The following CNTN5 variants were observed in gnomAD, a reference collection of about 807,000 sequenced individuals.
CNTN5 encodes the protein contactin 5.
CNTN5 carries 77 observed loss-of-function variants against 129.1 expected under a neutral mutation model. The ratio of observed to expected loss-of-function variants is 0.60; its 90% CI spans 0.50 to 0.72. The LOEUF (loss-of-function observed/expected upper bound fraction) is 0.72, where lower values mean the gene tolerates loss of function less well. Ranked by LOEUF, CNTN5 falls within the 30% of genes least tolerant of loss-of-function variation. The pLI is 0.00. For synonymous variants in CNTN5, 509 were observed against 465.6 expected (o/e 1.09, Z -1.20); for missense variants, 1,478 against 1,328.8 (o/e 1.11, Z -1.75).
At chr11:100,247,591 C>A (rs1949870211) in intron 16 of CNTN5, among the ~76,000 whole-genome samples, 1 of 152,062 alleles carries the variant, frequency 6.6e-6, no homozygotes, top group Admixed American at 6.6e-5. Flanking sequence ...TTGAACTCTG[C>A]CAGCCCGGGA....
intron 7 of CNTN5, among the ~76,000 whole-genome samples, chr11:99,942,647 G>C (rs975749829): frequency 6.6e-6 from 1 of 151,964 alleles, no homozygotes; most frequent in Non-Finnish European, 1.5e-5. Flanking sequence ...ACATGCATTA[G>C]ATATTTGTCC....
At chr11:100,016,703 A>G (rs1940838432) in intron 9 of CNTN5, among the ~76,000 whole-genome samples, 1 of 152,022 alleles carries the variant, frequency 6.6e-6, no homozygotes, top group South Asian at 2.1e-4. Context: ...TAAGTGAAAC[A>G]TGTAAGCATG....
rs1414026686 is a variant in CNTN5, at chr11:99,275,151, C to T, written c.-209-50195C>T. Among the ~76,000 whole-genome samples, 3 of 151,256 alleles carry T rather than the reference C, an allele frequency of 2.0e-5. No homozygotes were observed. The South Asian group carries it at 6.2e-4, about 31-fold the overall frequency. On this transcript the variant is annotated intron_variant, in intron 1 of 24. Coordinates refer to ENST00000524871, the MANE Select transcript of CNTN5 (RefSeq NM_014361.4). Reference sequence around the variant, plus strand: ...TTAAGACCCCTAGCCTCATGAAATGCTGCCTCCTCTATTGACTTCATTGAC... The same window carrying T: ...TTAAGACCCCTAGCCTCATGAAATGTTGCCTCCTCTATTGACTTCATTGAC...
intron 2 of CNTN5, among the ~76,000 whole-genome samples, chr11:99,398,587 C>G (rs1452203535): frequency 6.6e-6 from 1 of 151,868 alleles, no homozygotes; most frequent in Non-Finnish European, 1.5e-5. Context: ...TCCAGAATAT[C>G]ATATAATTGG....
chr11:100,297,766 T>G, intron 19 of CNTN5, 71 bp downstream of exon 19: 2 of 1,171,746 alleles, frequency 1.7e-6, no homozygotes, highest in East Asian at 5.1e-5. Flanking sequence ...TTAATTATTT[T>G]ATGATTAAGC....
intron 8 of CNTN5, among the ~76,000 whole-genome samples, chr11:99,982,067 G>C (rs903258097): frequency 6.6e-6 from 1 of 152,182 alleles, no homozygotes; most frequent in Non-Finnish European, 1.5e-5. Flanking sequence ...AAATATTCTT[G>C]AGGAAAAGGA....
chr11:99,670,294 T>C (rs75101787), intron 3 of CNTN5, among the ~76,000 whole-genome samples: 2,144 of 152,282 alleles, frequency 0.014, 30 homozygotes, highest in Non-Finnish European at 0.019. Context: ...AGGTTTTTAA[T>C]TTATATTAGG....
intron 15 of CNTN5, among the ~76,000 whole-genome samples, chr11:100,198,415 G>GACACAC (rs10603849): frequency 6.6e-6 from 1 of 150,436 alleles, no homozygotes; most frequent in African/African-American, 2.4e-5. Context: ...TGTCTGTCTA[G>GACACAC]ACACACACAC....
At chr11:100,010,273 T>C (rs1006942107) in intron 9 of CNTN5, among the ~76,000 whole-genome samples, 7 of 152,012 alleles carry the variant, frequency 4.6e-5, no homozygotes, top group Non-Finnish European at 8.8e-5. Flanking sequence ...ATGAGAACTT[T>C]ATGGAAAGTC....
intron 21 of CNTN5, among the ~76,000 whole-genome samples, chr11:100,336,075 A>C (rs1952033050): frequency 6.6e-6 from 1 of 152,228 alleles, no homozygotes. Context: ...TTTCTCTGTT[A>C]TATAAATAAA....
intron 9 of CNTN5, among the ~76,000 whole-genome samples, chr11:100,046,216 C>A (rs1258991816): frequency 6.6e-6 from 1 of 152,108 alleles, no homozygotes; most frequent in African/African-American, 2.4e-5. Flanking sequence ...GCATCAAACA[C>A]TTTTGGTCTA....
At chr11:100,264,997 T>A (rs1259312180) in intron 17 of CNTN5, among the ~76,000 whole-genome samples, 2 of 152,012 alleles carry the variant, frequency 1.3e-5, no homozygotes, top group Admixed American at 1.3e-4. Flanking sequence ...TGTTGTGGGG[T>A]TTTTTTATAT....
intron 21 of CNTN5, among the ~76,000 whole-genome samples, chr11:100,336,467 T>C (rs1952040634): frequency 6.6e-6 from 1 of 152,220 alleles, no homozygotes; most frequent in Admixed American, 6.5e-5. Context: ...ATAAAAAGTA[T>C]AATTATTTTA....
chr11:99,058,222 G>A (rs967008768), intron 1 of CNTN5, among the ~76,000 whole-genome samples: 3 of 151,956 alleles, frequency 2.0e-5, no homozygotes, highest in Non-Finnish European at 4.4e-5. Flanking sequence ...TCAACCCTTT[G>A]GAAAGAATGT....
intron 3 of CNTN5, among the ~76,000 whole-genome samples, chr11:99,743,686 C>A (rs369690668): frequency 7.2e-5 from 11 of 152,222 alleles, no homozygotes; most frequent in African/African-American, 2.4e-4. Context: ...ACTTCTAATA[C>A]AGGTGGCCTC....
In CNTN5 at chr11:99,977,169, C is replaced by T. The variant is rs186144399; in HGVS notation, c.877+20160C>T. 4.5e-3 allele frequency among the ~76,000 whole-genome samples: 691 copies of T among 152,292 alleles called. 1 individual carries two copies. Among genetic ancestry groups the T allele is most frequent in the Non-Finnish European group, 7.3e-3 (498 of 68,034 alleles). On this transcript the variant is annotated intron_variant, in intron 8 of 24. Transcript: ENST00000524871. ...CTTGCTAAAATATAGCATGAGTTAC[C>T]TTTGCACCAGTTCTCAATAAGTTCC...
intron 3 of CNTN5, among the ~76,000 whole-genome samples, chr11:99,668,297 A>G (rs1481437446): frequency 6.6e-6 from 1 of 152,152 alleles, no homozygotes; most frequent in Non-Finnish European, 1.5e-5. Flanking sequence ...CCTCACGCTG[A>G]ACAGAGGGCT....
At chr11:99,512,850 T>C (rs1333217172) in intron 2 of CNTN5, among the ~76,000 whole-genome samples, 1 of 152,150 alleles carries the variant, frequency 6.6e-6, no homozygotes, top group Non-Finnish European at 1.5e-5. Flanking sequence ...CACAACAGTA[T>C]TGAAATAGGC....
At chr11:100,090,427 G>GCCTTCCTTCCTT (rs202075446) in intron 13 of CNTN5, among the ~76,000 whole-genome samples, 2 of 148,432 alleles carry the variant, frequency 1.3e-5, no homozygotes, top group African/African-American at 5.0e-5. Context: ...TTTTCTGCCT[G>GCCTTCCTTCCTT]CCTGCCTTCC....
Sources: gnomAD v4.1 joint callset for allele counts (sites outside exome capture counted in the v4.1 genomes callset) on GRCh38, gnomAD v4.1.1 for gene constraint, MANE v1.5 for transcripts, NCBI Gene and HGNC (gene_info 2026-07-23, HGNC 2026-07-21) for gene names.